Variants in FOCAD observed in about 807,000 individuals in gnomAD.
FOCAD encodes KIAA1797.
In FOCAD, 198 loss-of-function variants were observed where a neutral mutation model predicts 225.6. That is an observed-to-expected ratio of 0.88 (90% confidence interval 0.78 to 0.99). FOCAD has a LOEUF of 0.99. FOCAD is among the 50% of genes least tolerant of loss of function. The pLI is 0.00. For missense variants in FOCAD, 2,713 were observed against 2,123.6 expected, an observed-to-expected ratio of 1.28 and a Z score of -5.46; for synonymous variants, 897 against 755.0, an observed-to-expected ratio of 1.19 and a Z score of -3.08.
chr9:20,678,918 C>A (rs967553514), intron 2 of FOCAD, among the ~76,000 whole-genome samples: 4 of 152,188 alleles, frequency 2.6e-5, no homozygotes, highest in Non-Finnish European at 4.4e-5. Context: ...ATTGTACCAT[C>A]TGTTTCTTGC....
At chr9:20,784,938 T>C (rs1819762143) in intron 10 of FOCAD, among the ~76,000 whole-genome samples, 1 of 151,880 alleles carries the variant, frequency 6.6e-6, no homozygotes, top group East Asian at 1.9e-4. Flanking sequence ...TTCTTTTTTT[T>C]TTTAATCTAT....
At chr9:20,727,853 A>G (rs1826336425) in intron 4 of FOCAD, among the ~76,000 whole-genome samples, 1 of 152,160 alleles carries the variant, frequency 6.6e-6, no homozygotes, top group Admixed American at 6.5e-5. Flanking sequence ...ATTCTCTTCA[A>G]CCCAAACCCA....
rs765522144 is a variant in FOCAD at position 20,995,678 on chromosome 9, T to C, written c.*49T>C. The C allele has an allele frequency of 3.2e-6, 5 of 1,543,262 alleles. No individual in the cohort carries two copies. The highest frequency in any genetic ancestry group is 4.5e-6 in the Non-Finnish European group (5 of 1,117,848). ...ATTCTCAGCTGGATGAGGAAAACCATATAAGTGGAAGAAGTTTTTCAGAAT... is the reference window on the plus strand; with the variant it reads ...ATTCTCAGCTGGATGAGGAAAACCACATAAGTGGAAGAAGTTTTTCAGAAT... On this transcript the variant is annotated 3_prime_UTR_variant, in exon 44 of 44. Transcript: ENST00000338382.
At chr9:20,695,772 A>G (rs1823318818) in intron 1 of FOCAD, among the ~76,000 whole-genome samples, 1 of 152,242 alleles carries the variant, frequency 6.6e-6, no homozygotes, top group Non-Finnish European at 1.5e-5. Flanking sequence ...CTGAGGCCTT[A>G]CAGGGATTGG....
intron 24 of FOCAD, 44 bp from the exon 25 acceptor site, chr9:20,923,616 T>C: frequency 6.7e-7 from 1 of 1,481,500 alleles, no homozygotes; most frequent in Non-Finnish European, 9.4e-7. Context: ...CTTCTTCTGG[T>C]TAATACCAAA....
At chr9:20,938,046 GT>G (rs1295338672) in intron 28 of FOCAD, among the ~76,000 whole-genome samples, 1 of 151,948 alleles carries the variant, frequency 6.6e-6, no homozygotes, top group Non-Finnish European at 1.5e-5. Flanking sequence ...TCTCACACCA[GT>G]TAGAATGGCA....
rs184859426 is a variant in FOCAD at position 20,804,051 on chromosome 9, C to T, written c.1455+14443C>T. On this transcript the variant is annotated intron_variant, in intron 11 of 43. Transcript: ENST00000338382. Reference sequence around the variant, plus strand: ...TTCAGTGGGCATTGATTGATAATGCCGAACCATTTTCTGTAGTAGAGATTG... The same window carrying T: ...TTCAGTGGGCATTGATTGATAATGCTGAACCATTTTCTGTAGTAGAGATTG... Among the ~76,000 whole-genome samples, 27 of 152,092 alleles carry T rather than the reference C, an allele frequency of 1.8e-4. 1 individual carries two copies. In the East Asian group the frequency reaches 2.5e-3, roughly 14 times the overall value.
intron 17 of FOCAD, among the ~76,000 whole-genome samples, chr9:20,866,610 T>G (rs1279688611): frequency 6.6e-6 from 1 of 152,046 alleles, no homozygotes; most frequent in African/African-American, 2.4e-5. Flanking sequence ...TAATTGGGCA[T>G]ATTCTCCAGA....
Position 20,686,931 on chromosome 9 carries a change from A to G in FOCAD, c.-33+2638A>G, listed in dbSNP as rs761557141. ...AGTTTTAAGTGATGTGGAAGAGCCC[A>G]TCTATTTTCAAACAATGGATTGAAA... On this transcript the variant is annotated intron_variant, in intron 1 of 43. Transcript: ENST00000338382. 1.6e-4 allele frequency among the ~76,000 whole-genome samples: 25 copies of G among 152,112 alleles called. No homozygotes were observed. The South Asian group carries it at 1.7e-3, about 10-fold the overall frequency.
intron 15 of FOCAD, among the ~76,000 whole-genome samples, chr9:20,860,476 C>T (rs547389399): frequency 4.7e-4 from 72 of 152,138 alleles, no homozygotes; most frequent in Admixed American, 1.6e-3. Flanking sequence ...ATTAGTTCCT[C>T]AGTCTCTTGG....
At chr9:20,912,251 GT>G (rs975001558) in intron 22 of FOCAD, among the ~76,000 whole-genome samples, 1 of 151,932 alleles carries the variant, frequency 6.6e-6, no homozygotes, top group African/African-American at 2.4e-5. Flanking sequence ...ATAATTCTGA[GT>G]AAAAAAATGG....
Position 20,770,044 on chromosome 9 carries a change from A to T in FOCAD, c.712A>T (p.Ile238Leu). The change falls in exon 8 of 44, where the codon ATA becomes TTA. Residue 238 changes from isoleucine (I) to leucine (L), a missense_variant. Coordinates refer to ENST00000338382, the MANE Select transcript of FOCAD (RefSeq NM_001375567.1). ...IVPCLQVKDL[I>L]QTTEAMMFIE... is the part of the protein sequence containing the mutation. Reference sequence around the variant, plus strand: ...CTTTTTTAAACAGGTAAAAGATTTGATACAGACAACAGAGGCGATGATGTT... The same window carrying T: ...CTTTTTTAAACAGGTAAAAGATTTGTTACAGACAACAGAGGCGATGATGTT... 1 of 1,613,936 alleles carries T rather than the reference A, an allele frequency of 6.2e-7. No individual in the cohort carries two copies. The highest frequency in any genetic ancestry group is 2.2e-5 in the East Asian group (1 of 44,870).
chr9:20,805,964 C>G (rs1310944066), intron 11 of FOCAD, among the ~76,000 whole-genome samples: 5 of 152,166 alleles, frequency 3.3e-5, no homozygotes. Context: ...CTAGGCAACT[C>G]TCTTGGCTGC....
chr9:20,988,451 T>C, intron 41 of FOCAD, 22 bp downstream of exon 41: 1 of 1,369,428 alleles, frequency 7.3e-7, no homozygotes. Flanking sequence ...AGGAGTAGTT[T>C]ATAGCTTCCT....
intron 16 of FOCAD, among the ~76,000 whole-genome samples, chr9:20,863,899 T>G (rs1829002979): frequency 6.6e-6 from 1 of 151,970 alleles, no homozygotes; most frequent in South Asian, 2.1e-4. Context: ...GTGTGTTGGT[T>G]TTTTGTGTTG....
At chr9:20,932,003 A>T (rs551494125) in intron 27 of FOCAD, among the ~76,000 whole-genome samples, 8 of 151,944 alleles carry the variant, frequency 5.3e-5, no homozygotes, top group Non-Finnish European at 1.2e-4. Context: ...TCTAAAATTT[A>T]TTCAGAAGCT....
chr9:20,735,462 ATCCTTCCT>A lies in FOCAD; in HGVS notation c.288-4758_288-4751del, dbSNP rs371332139. 1.0e-4 allele frequency among the ~76,000 whole-genome samples: 15 copies of A among 150,678 alleles called. No individual in the cohort carries two copies. The South Asian group carries it at 1.5e-3, about 15-fold the overall frequency. On this transcript the variant is annotated intron_variant, in intron 4 of 43. Coordinates refer to ENST00000338382, the MANE Select transcript of FOCAD (RefSeq NM_001375567.1). Reference sequence around the variant, plus strand: ...TACATGCTTTTTATTTCTTCAGTCAATCCTTCCTTCCTTCCTTCCTTCCGCCTCCCCTC... The same window carrying A: ...TACATGCTTTTTATTTCTTCAGTCAATCCTTCCTTCCTTCCGCCTCCCCTC...
At chr9:20,753,187 C>T (rs1828726310) in intron 5 of FOCAD, among the ~76,000 whole-genome samples, 1 of 152,000 alleles carries the variant, frequency 6.6e-6, no homozygotes, top group African/African-American at 2.4e-5. Context: ...CCAGAACTTC[C>T]AACACTATGT....
chr9:20,904,486 A>T (rs1284128760), intron 21 of FOCAD, among the ~76,000 whole-genome samples: 5 of 151,938 alleles, frequency 3.3e-5, no homozygotes, highest in Non-Finnish European at 1.5e-5. Flanking sequence ...ACCTTCTCGC[A>T]TCCCTGCCCT....
Sources: allele counts gnomAD v4.1 joint callset (sites outside exome capture counted in the v4.1 genomes callset), GRCh38; gene constraint gnomAD v4.1.1; transcripts MANE v1.5; gene names NCBI Gene and HGNC (gene_info 2026-07-23, HGNC 2026-07-21).